The following GALNT13 variants were observed in gnomAD, a reference collection of about 807,000 sequenced individuals.
GALNT13 encodes the protein UDP-GalNAc:polypeptide N-acetylgalactosaminyltransferase 13.
A neutral mutation model predicts 64.2 loss-of-function variants in GALNT13; 28 were observed. The ratio of observed to expected loss-of-function variants is 0.44; its 90% CI spans 0.32 to 0.60. GALNT13 has a LOEUF of 0.60. Among genes scored for constraint, GALNT13 ranks in the 20% least tolerant of loss-of-function variants. The pLI is 0.05. For missense variants in GALNT13, 577 were observed against 669.8 expected, an observed-to-expected ratio of 0.86 and a Z score of 1.53; for synonymous variants, 214 against 224.6, an observed-to-expected ratio of 0.95 and a Z score of 0.42.
chr2:154,091,890 T>C lies in GALNT13; in HGVS notation c.143-48447T>C, dbSNP rs1389139624. Among the ~76,000 whole-genome samples, 8 of 151,840 alleles carry C rather than the reference T, an allele frequency of 5.3e-5. No individual in the cohort carries two copies. The East Asian group carries it at 1.2e-3, about 22-fold the overall frequency. ...AAATGACTAGTTAAGGTAGACTCTA[T>C]AGTCAAAAACTAAATAGATCATTTA... On this transcript the variant is annotated intron_variant, in intron 3 of 12. Transcript: ENST00000392825.
chr2:154,084,028 C>T (rs935629368), intron 3 of GALNT13, among the ~76,000 whole-genome samples: 5 of 151,758 alleles, frequency 3.3e-5, no homozygotes, highest in Non-Finnish European at 5.9e-5. Context: ...GCTCCGTATC[C>T]ACATAGGCTA....
intron 3 of GALNT13, among the ~76,000 whole-genome samples, chr2:153,976,543 G>A (rs11883616): frequency 0.093 from 14,185 of 152,028 alleles, 1,704 homozygotes; most frequent in East Asian, 0.63. Flanking sequence ...TTCAGTTAAA[G>A]TAGTAAAATA....
intron 3 of GALNT13, among the ~76,000 whole-genome samples, chr2:154,115,319 A>G (rs902563314): frequency 6.6e-6 from 1 of 152,024 alleles, no homozygotes; most frequent in Non-Finnish European, 1.5e-5. Context: ...TATTATTATT[A>G]TACTTTAAGT....
At chr2:153,375,387 G>A in the GALNT13 span, among the ~76,000 whole-genome samples, 125,525 of 152,164 alleles carry the variant, frequency 0.82, 52,714 homozygotes, top group African/African-American at 0.91. Context: ...GAGACTACTT[G>A]GTCATGAAGG....
At chr2:154,123,598 G>A (rs1445082416) in intron 3 of GALNT13, among the ~76,000 whole-genome samples, 1 of 151,920 alleles carries the variant, frequency 6.6e-6, no homozygotes, top group Non-Finnish European at 1.5e-5. Context: ...AAAGGTGTGT[G>A]GAGCAGCTGG....
chr2:154,373,877 TTTTG>T (rs1272709387), intron 9 of GALNT13, among the ~76,000 whole-genome samples: 6 of 152,080 alleles, frequency 3.9e-5, no homozygotes, highest in Admixed American at 2.0e-4. Flanking sequence ...GCTCTGTGGG[TTTTG>T]TTTATGTTTT....
At chr2:154,184,700 A>C (rs1156304390) in intron 4 of GALNT13, among the ~76,000 whole-genome samples, 1 of 152,124 alleles carries the variant, frequency 6.6e-6, no homozygotes, top group Non-Finnish European at 1.5e-5. Flanking sequence ...AGTAGGGAGT[A>C]GAAGTGCCAG....
At chr2:153,599,248 AT>A in the GALNT13 span, among the ~76,000 whole-genome samples, 3 of 151,972 alleles carry the variant, frequency 2.0e-5, no homozygotes, top group Non-Finnish European at 4.4e-5. Context: ...CAACATTTGA[AT>A]TTTTCTCTTC....
At chr2:154,264,466 C>A (rs75830323) in intron 8 of GALNT13, among the ~76,000 whole-genome samples, 86 of 123,410 alleles carry the variant, frequency 7.0e-4, no homozygotes, top group Middle Eastern at 4.3e-3. Context: ...ACTAAAAATA[C>A]AAAAAAAAAA....
chr2:153,567,737 C>A, the GALNT13 span, among the ~76,000 whole-genome samples: 1 of 151,978 alleles, frequency 6.6e-6, no homozygotes, highest in South Asian at 2.1e-4. Flanking sequence ...AATTGCTTAA[C>A]AAGGAAAATG....
At chr2:153,845,828 C>T in the GALNT13 span, among the ~76,000 whole-genome samples, 1 of 151,712 alleles carries the variant, frequency 6.6e-6, no homozygotes, top group Non-Finnish European at 1.5e-5. Flanking sequence ...AAAGTATATA[C>T]CAAACACAAG....
chr2:153,255,697 G>A, the GALNT13 span, among the ~76,000 whole-genome samples: 256 of 152,216 alleles, frequency 1.7e-3, 1 homozygote, highest in African/African-American at 3.4e-3. Context: ...GCTTGTCTGT[G>A]AAGTATTTTA....
At chr2:153,168,708 C>T in the GALNT13 span, among the ~76,000 whole-genome samples, 1 of 152,156 alleles carries the variant, frequency 6.6e-6, no homozygotes, top group Non-Finnish European at 1.5e-5. Flanking sequence ...ACCTATCTCC[C>T]ATGATTTTTA....
intron 9 of GALNT13, among the ~76,000 whole-genome samples, chr2:154,338,171 C>G (rs1695559343): frequency 6.6e-6 from 1 of 152,032 alleles, no homozygotes; most frequent in African/African-American, 2.4e-5. Context: ...TTTTTAACAG[C>G]ACACTATTCC....
At chr2:153,554,684 C>G in the GALNT13 span, among the ~76,000 whole-genome samples, 46,754 of 127,114 alleles carry the variant, frequency 0.37, 7,355 homozygotes, top group African/African-American at 0.49. Context: ...GTGTGTGTGT[C>G]TGTGTACGCG....
At chr2:153,478,114 A>T in the GALNT13 span, 11 of 772,402 alleles carry the variant, frequency 1.4e-5, no homozygotes, top group Non-Finnish European at 2.2e-5. Context: ...CGAAAGGCCG[A>T]AGTCGAGAGA....
chr2:153,415,247 G>A, the GALNT13 span, among the ~76,000 whole-genome samples: 2 of 152,180 alleles, frequency 1.3e-5, no homozygotes, highest in East Asian at 1.9e-4. Context: ...AGAAGAGTAT[G>A]ACTCCACCAT....
chr2:154,130,642 G>C (rs1410899282), intron 3 of GALNT13, among the ~76,000 whole-genome samples: 3 of 152,036 alleles, frequency 2.0e-5, no homozygotes, highest in Non-Finnish European at 4.4e-5. Flanking sequence ...AGCTCTGTTA[G>C]ATATTTTATG....
the GALNT13 span, among the ~76,000 whole-genome samples, chr2:153,183,527 A>T: frequency 2.0e-5 from 3 of 152,144 alleles, no homozygotes; most frequent in East Asian, 5.8e-4. Flanking sequence ...TGGGATTTTC[A>T]TAATGAAATC....
Sources: allele counts gnomAD v4.1 joint callset (sites outside exome capture counted in the v4.1 genomes callset), GRCh38; gene constraint gnomAD v4.1.1; transcripts MANE v1.5; gene names NCBI Gene and HGNC (gene_info 2026-07-23, HGNC 2026-07-21).